The following SPECC1 variants were observed in gnomAD, a reference collection of about 807,000 sequenced individuals.
SPECC1 encodes cytospin-B.
A neutral mutation model predicts 104.1 loss-of-function variants in SPECC1; 62 were observed. The ratio of observed to expected loss-of-function variants is 0.60; its 90% CI spans 0.49 to 0.74. The LOEUF is 0.74. SPECC1 is among the 30% of genes least tolerant of loss of function. The pLI, the probability that SPECC1 is intolerant of heterozygous loss-of-function variation, is 0.00. For missense variants in SPECC1, 1,306 were observed against 1,310.5 expected (o/e 1.00, Z 0.05); for synonymous variants, 513 against 501.6 (o/e 1.02, Z -0.30).
chr17:20,056,777 A>C (rs553017746), intron 1 of SPECC1: 1 of 152,366 alleles, frequency 6.6e-6, no homozygotes, highest in Non-Finnish European at 1.5e-5. Flanking sequence ...AATCAATAGT[A>C]TGGGTAGAAG....
intron 1 of SPECC1, among the ~76,000 whole-genome samples, chr17:20,089,415 C>T (rs1204882899): frequency 6.6e-6 from 1 of 151,958 alleles, no homozygotes; most frequent in Non-Finnish European, 1.5e-5. Flanking sequence ...TCACTTGAGC[C>T]CATGAGTTTG....
At chr17:20,299,842 C>T (rs980318430) in intron 13 of SPECC1, among the ~76,000 whole-genome samples, 2 of 152,130 alleles carry the variant, frequency 1.3e-5, no homozygotes, top group South Asian at 2.1e-4. Flanking sequence ...GGCGATTGCA[C>T]AGCAAATCCG....
chr17:20,315,295 AAAG>A lies in SPECC1; in HGVS notation c.*1236_*1238del, dbSNP rs1477665653. The A allele has an allele frequency of 4.5e-6, 1 of 221,592 alleles. No individual in the cohort carries two copies. The highest frequency in any genetic ancestry group is 9.1e-6 in the Non-Finnish European group (1 of 109,944). The allele number at this position is 221,592 out of a possible 1,614,324, so 13.7% of individuals were successfully genotyped here. A position where few individuals can be genotyped will look rare whatever the true frequency, so the allele number is the denominator to read the frequency against. Reference sequence around the variant, plus strand: ...CGGTGAGGGCACATTTATAACTAACAAAGAAGAATGCAGTTGCCCCAGCATCCT... The same window carrying A: ...CGGTGAGGGCACATTTATAACTAACAAAGAATGCAGTTGCCCCAGCATCCT... On this transcript the variant is annotated 3_prime_UTR_variant, in exon 15 of 15. Transcript: ENST00000395527.
chr17:20,220,003 C>G (rs541495239), intron 4 of SPECC1, among the ~76,000 whole-genome samples: 1 of 151,994 alleles, frequency 6.6e-6, no homozygotes, highest in East Asian at 1.9e-4. Context: ...TGGATTTATT[C>G]CTGGATTCTC....
intron 3 of SPECC1, among the ~76,000 whole-genome samples, chr17:20,167,020 A>G (rs889411343): frequency 4.0e-5 from 6 of 151,532 alleles, no homozygotes; most frequent in Admixed American, 2.6e-4. Context: ...CTGGGGCAGA[A>G]AAAGCCTAAG....
chr17:20,068,443 A>C (rs1304972570), intron 1 of SPECC1, among the ~76,000 whole-genome samples: 1 of 152,208 alleles, frequency 6.6e-6, no homozygotes, highest in Non-Finnish European at 1.5e-5. Context: ...GCTATTGTGA[A>C]CATTTGTCTG....
At chr17:20,246,664 C>T (rs1319157357) in intron 8 of SPECC1, among the ~76,000 whole-genome samples, 1 of 152,180 alleles carries the variant, frequency 6.6e-6, no homozygotes, top group Non-Finnish European at 1.5e-5. Context: ...AGATGCGTAG[C>T]TATACTTCAT....
chr17:20,107,741 G>A (rs1335565261), intron 2 of SPECC1, among the ~76,000 whole-genome samples: 1 of 152,120 alleles, frequency 6.6e-6, no homozygotes, highest in Non-Finnish European at 1.5e-5. Context: ...GACAAGGCTT[G>A]TCTCAAACTC....
chr17:20,013,847 C>T (rs756298080), intron 1 of SPECC1, among the ~76,000 whole-genome samples: 1 of 152,070 alleles, frequency 6.6e-6, no homozygotes, highest in Non-Finnish European at 1.5e-5. Context: ...TTGTATATAT[C>T]CCTAATATAG....
chr17:20,211,091 A>G (rs932179758), intron 4 of SPECC1, among the ~76,000 whole-genome samples: 1 of 152,124 alleles, frequency 6.6e-6, no homozygotes, highest in East Asian at 1.9e-4. Flanking sequence ...GAATGGCCTG[A>G]CCCACCCTGG....
intron 2 of SPECC1, among the ~76,000 whole-genome samples, chr17:20,107,518 G>A (rs528276593): frequency 2.0e-5 from 3 of 148,968 alleles, no homozygotes; most frequent in Non-Finnish European, 3.0e-5. Flanking sequence ...GTGCAGTGGC[G>A]CGATCTCGGC....
At chr17:20,240,646 C>G in intron 7 of SPECC1, among the ~76,000 whole-genome samples, 1 of 152,108 alleles carries the variant, frequency 6.6e-6, no homozygotes, top group Non-Finnish European at 1.5e-5. Context: ...CCAGAGTCAT[C>G]CTTTGTCCAC....
intron 3 of SPECC1, among the ~76,000 whole-genome samples, chr17:20,129,277 C>T (rs1160754785): frequency 2.6e-5 from 4 of 151,812 alleles, no homozygotes; most frequent in East Asian, 1.9e-4. Context: ...CTCCGCCTCC[C>T]GGGTTCAAGC....
At chr17:20,238,384 C>T in intron 7 of SPECC1, 2 of 1,041,392 alleles carry the variant, frequency 1.9e-6, no homozygotes, top group Non-Finnish European at 2.3e-6. Context: ...TCCAATTCAG[C>T]AACCTCCATC....
chr17:20,156,473 G>A (rs911225425), intron 3 of SPECC1, among the ~76,000 whole-genome samples: 3 of 152,192 alleles, frequency 2.0e-5, no homozygotes, highest in Admixed American at 2.0e-4. Context: ...GGGCCGCCGG[G>A]CAGGCACCGC....
chr17:20,267,779 A>G lies in SPECC1; in HGVS notation c.2940+7485A>G, dbSNP rs73305544. 9.0e-3 allele frequency among the ~76,000 whole-genome samples: 1,374 copies of G among 152,210 alleles called. 25 individuals carry two copies. Among genetic ancestry groups the G allele is most frequent in the African/African-American group, 0.031 (1,302 of 41,528 alleles). Reference sequence around the variant, plus strand: ...TGGGTGCTCTGGAGTTTTGAGGTTGACAACTGCAAGTTGTGTGTAGTGCCA... The same window carrying G: ...TGGGTGCTCTGGAGTTTTGAGGTTGGCAACTGCAAGTTGTGTGTAGTGCCA... On this transcript the variant is annotated intron_variant, in intron 12 of 14. Coordinates refer to ENST00000395527, the MANE Select transcript of SPECC1 (RefSeq NM_001243439.2).
intron 3 of SPECC1, among the ~76,000 whole-genome samples, chr17:20,115,954 A>G (rs943301196): frequency 3.9e-5 from 6 of 152,264 alleles, no homozygotes; most frequent in African/African-American, 1.4e-4. Context: ...TTGTAATCAG[A>G]TAATAACATT....
At chr17:20,220,111 A>G (rs1345157327) in intron 4 of SPECC1, among the ~76,000 whole-genome samples, 2 of 152,082 alleles carry the variant, frequency 1.3e-5, no homozygotes, top group African/African-American at 4.8e-5. Flanking sequence ...AGATAATGTG[A>G]TTCTTCCAGT....
At chr17:20,215,582 A>G (rs79600655) in intron 4 of SPECC1, among the ~76,000 whole-genome samples, 131 of 152,288 alleles carry the variant, frequency 8.6e-4, no homozygotes, top group Admixed American at 2.5e-3. Context: ...CTATAGTACC[A>G]TGTTTTTGGC....
Sources: allele counts gnomAD v4.1 joint callset (sites outside exome capture counted in the v4.1 genomes callset), GRCh38; gene constraint gnomAD v4.1.1; transcripts MANE v1.5; gene names NCBI Gene and HGNC (gene_info 2026-07-23, HGNC 2026-07-21).